TMEM163: variants seen among roughly 807,000 people sequenced by gnomAD.
TMEM163 encodes transmembrane protein 163.
Under a neutral mutation model 29.3 loss-of-function variants are expected in TMEM163, and 17 were observed. The ratio of observed to expected loss-of-function variants is 0.58; its 90% CI spans 0.40 to 0.87. TMEM163 has a LOEUF of 0.87. Ranked by LOEUF, TMEM163 falls within the 40% of genes least tolerant of loss-of-function variation. The pLI, the probability that TMEM163 is intolerant of heterozygous loss-of-function variation, is 0.00. For synonymous variants in TMEM163, 157 were observed against 160.6 expected (o/e 0.98, Z 0.17); for missense variants, 303 against 381.5 (o/e 0.79, Z 1.71).
rs922798341 is a variant in TMEM163 at position 134,504,824 on chromosome 2, A to G, written c.459-1827T>C. The stretch of plus-strand genomic sequence containing the variant: ...TGGGAACCACAGTCCTAACGCTGGA[A>G]TCAGGGACAGAGGGGGCCATGATAG... On this transcript the variant is annotated intron_variant, in intron 4 of 7. Coordinates refer to ENST00000281924, the MANE Select transcript of TMEM163 (RefSeq NM_030923.5). Among the ~76,000 whole-genome samples, 10 of 152,306 alleles carry G rather than the reference A, an allele frequency of 6.6e-5. 1 individual carries two copies. The highest frequency in any genetic ancestry group is 2.0e-4 in the Admixed American group (3 of 15,300).
At chr2:134,504,141 T>G (rs1174285608) in intron 4 of TMEM163, among the ~76,000 whole-genome samples, 2 of 152,154 alleles carry the variant, frequency 1.3e-5, no homozygotes, top group East Asian at 3.9e-4. Flanking sequence ...GCTCACCTAA[T>G]TTTGAAGTGG....
At chr2:134,538,655 C>A (rs142929233) in intron 4 of TMEM163, among the ~76,000 whole-genome samples, 2 of 152,118 alleles carry the variant, frequency 1.3e-5, no homozygotes, top group Non-Finnish European at 2.9e-5. Flanking sequence ...ACACCACACG[C>A]CACAGTGAGG....
intron 2 of TMEM163, among the ~76,000 whole-genome samples, chr2:134,636,184 C>A (rs1346890499): frequency 6.6e-6 from 1 of 152,194 alleles, no homozygotes; most frequent in Non-Finnish European, 1.5e-5. Context: ...TCCACCACAC[C>A]ACACCAGTGA....
intron 2 of TMEM163, among the ~76,000 whole-genome samples, chr2:134,658,792 T>G (rs1683680918): frequency 6.6e-6 from 1 of 152,094 alleles, no homozygotes; most frequent in African/African-American, 2.4e-5. Context: ...AGACATGGGA[T>G]TTCACCGTGT....
At chr2:134,655,909 A>T in intron 2 of TMEM163, among the ~76,000 whole-genome samples, 1 of 142,638 alleles carries the variant, frequency 7.0e-6, no homozygotes, top group Non-Finnish European at 1.5e-5. Context: ...GCCCGTTCTC[A>T]GATCTCCAGC....
chr2:134,630,756 A>C (rs965961209), intron 2 of TMEM163, among the ~76,000 whole-genome samples: 1 of 152,124 alleles, frequency 6.6e-6, no homozygotes, highest in Non-Finnish European at 1.5e-5. Context: ...CTTCCATCAG[A>C]AGCACACCAC....
At chr2:134,556,240 C>T (rs1257057742) in intron 2 of TMEM163, among the ~76,000 whole-genome samples, 1 of 152,176 alleles carries the variant, frequency 6.6e-6, no homozygotes, top group Non-Finnish European at 1.5e-5. Context: ...AATACATTAG[C>T]CAATAATTTC....
intron 2 of TMEM163, among the ~76,000 whole-genome samples, chr2:134,630,426 A>G (rs1682941585): frequency 6.6e-6 from 1 of 152,132 alleles, no homozygotes; most frequent in Admixed American, 6.5e-5. Context: ...ATGTCTTCAT[A>G]TATCTGAATT....
At chr2:134,489,691 GGTGAAAGGGGCCATACTTAT>G (rs1352735258) in intron 5 of TMEM163, among the ~76,000 whole-genome samples, 3 of 152,172 alleles carry the variant, frequency 2.0e-5, no homozygotes, top group Non-Finnish European at 4.4e-5. Context: ...TGGAGGTGAT[GGTGAAAGGGGCCATACTTAT>G]GCACATGGGC....
intron 5 of TMEM163, among the ~76,000 whole-genome samples, chr2:134,489,556 A>G (rs1679383969): frequency 6.6e-6 from 1 of 151,334 alleles, no homozygotes; most frequent in East Asian, 1.9e-4. Flanking sequence ...CAGCCTGGCA[A>G]CAGAGCAAGA....
At chr2:134,716,700 A>T (rs1464749835) in intron 1 of TMEM163, among the ~76,000 whole-genome samples, 1 of 152,222 alleles carries the variant, frequency 6.6e-6, no homozygotes, top group Non-Finnish European at 1.5e-5. Flanking sequence ...CAAAGGATAT[A>T]AAAATCAATA....
At chr2:134,608,920 G>A (rs1489047999) in intron 2 of TMEM163, among the ~76,000 whole-genome samples, 1 of 67,482 alleles carries the variant, frequency 1.5e-5, no homozygotes, top group Non-Finnish European at 2.8e-5. Flanking sequence ...CCCGAGAACT[G>A]TGCTGGTGAA....
chr2:134,524,852 T>C (rs1327284800), intron 4 of TMEM163, among the ~76,000 whole-genome samples: 2 of 150,476 alleles, frequency 1.3e-5, no homozygotes, highest in Admixed American at 6.6e-5. Context: ...ATGTTTATAA[T>C]AGAATGATTT....
chr2:134,718,700 C>G, intron 1 of TMEM163, 34 bp downstream of exon 1: 2 of 1,133,276 alleles, frequency 1.8e-6, no homozygotes, highest in South Asian at 4.0e-5. Context: ...GCAGCCACCC[C>G]GGTCGCCGGC....
intron 2 of TMEM163, among the ~76,000 whole-genome samples, chr2:134,610,186 C>G (rs546667305): frequency 6.6e-5 from 10 of 152,312 alleles, no homozygotes; most frequent in Admixed American, 2.6e-4. Context: ...ACCGGATGGA[C>G]CCTCATCCCC....
At chr2:134,548,980 A>T (rs1475854837) in intron 4 of TMEM163, among the ~76,000 whole-genome samples, 1 of 152,142 alleles carries the variant, frequency 6.6e-6, no homozygotes, top group Non-Finnish European at 1.5e-5. Context: ...CCATCATTTG[A>T]AATTTTTAAA....
chr2:134,606,372 A>C (rs566357221), intron 2 of TMEM163, among the ~76,000 whole-genome samples: 1 of 152,136 alleles, frequency 6.6e-6, no homozygotes, highest in East Asian at 1.9e-4. Context: ...CTGCCCTCTG[A>C]AAATGCCATG....
chr2:134,612,542 AAC>A (rs3039625), intron 2 of TMEM163, among the ~76,000 whole-genome samples: 126 of 140,648 alleles, frequency 9.0e-4, no homozygotes, highest in Middle Eastern at 3.5e-3. Context: ...GGTTTGCCCC[AAC>A]ACACACACAC....
chr2:134,467,197 A>G (rs1336640752), intron 5 of TMEM163: 1 of 152,230 alleles, frequency 6.6e-6, no homozygotes, highest in Non-Finnish European at 1.5e-5. Flanking sequence ...ACATGGGTCA[A>G]TGACGGTGGT....
Sources: allele counts gnomAD v4.1 joint callset (sites outside exome capture counted in the v4.1 genomes callset), GRCh38; gene constraint gnomAD v4.1.1; transcripts MANE v1.5; gene names NCBI Gene and HGNC (gene_info 2026-07-23, HGNC 2026-07-21).